The following CNTN1 variants were observed in gnomAD, a reference collection of about 807,000 sequenced individuals.
CNTN1 encodes the protein contactin 1.
CNTN1 carries 38 observed loss-of-function variants against 126.4 expected under a neutral mutation model. That is an observed-to-expected ratio of 0.30 (90% confidence interval 0.23 to 0.39). The LOEUF (loss-of-function observed/expected upper bound fraction) is 0.39. Ranked by LOEUF, CNTN1 falls within the 10% of genes least tolerant of loss-of-function variation. The pLI is 1.00. For synonymous variants in CNTN1, 413 were observed against 422.6 expected (o/e 0.98, Z 0.28); for missense variants, 1,009 against 1,248.4 (o/e 0.81, Z 2.89).
intron 1 of CNTN1, among the ~76,000 whole-genome samples, chr12:40,799,604 T>A (rs1345667526): frequency 6.6e-6 from 1 of 151,996 alleles, no homozygotes; most frequent in African/African-American, 2.4e-5. Context: ...CTTCAGAAAA[T>A]CTGGCTAAAT....
At chr12:40,767,856 C>T (rs975439740) in intron 1 of CNTN1, among the ~76,000 whole-genome samples, 1 of 152,034 alleles carries the variant, frequency 6.6e-6, no homozygotes, top group Admixed American at 6.5e-5. Context: ...TTTCCTTAAA[C>T]AATTGACTTT....
chr12:40,879,338 G>A (rs1362002736), intron 1 of CNTN1, among the ~76,000 whole-genome samples: 1 of 152,010 alleles, frequency 6.6e-6, no homozygotes, highest in African/African-American at 2.4e-5. Context: ...GTTAAGTAAA[G>A]GCCATTTCTC....
At chr12:40,799,982 A>T (rs753429957) in intron 1 of CNTN1, among the ~76,000 whole-genome samples, 15 of 152,040 alleles carry the variant, frequency 9.9e-5, no homozygotes, top group African/African-American at 1.9e-4. Flanking sequence ...ATGAAAGTTC[A>T]TGCTTTTAAC....
intron 17 of CNTN1, among the ~76,000 whole-genome samples, chr12:41,000,388 A>G (rs1300074640): frequency 1.3e-5 from 2 of 152,186 alleles, no homozygotes; most frequent in Non-Finnish European, 2.9e-5. Flanking sequence ...GTTTTCCTAT[A>G]GCATGAAAAG....
chr12:40,755,040 A>T (rs542648095), intron 1 of CNTN1, among the ~76,000 whole-genome samples: 1 of 151,868 alleles, frequency 6.6e-6, no homozygotes, highest in South Asian at 2.1e-4. Flanking sequence ...AACATAAAAA[A>T]GTTAGCTGGG....
chr12:41,041,695 A>G (rs1454890117), intron 23 of CNTN1, among the ~76,000 whole-genome samples: 2 of 152,004 alleles, frequency 1.3e-5, no homozygotes, highest in African/African-American at 4.8e-5. Flanking sequence ...TTTCTAGTTT[A>G]TTTGCGTAGA....
chr12:40,794,646 T>G (rs1458943734), intron 1 of CNTN1, among the ~76,000 whole-genome samples: 1 of 152,060 alleles, frequency 6.6e-6, no homozygotes, highest in Non-Finnish European at 1.5e-5. Flanking sequence ...GTTAATGCAT[T>G]ACACTTTTAA....
intron 1 of CNTN1, among the ~76,000 whole-genome samples, chr12:40,816,952 T>C (rs1276667096): frequency 6.6e-6 from 1 of 152,184 alleles, no homozygotes; most frequent in Non-Finnish European, 1.5e-5. Flanking sequence ...TGAAATTGTG[T>C]AGTTTTGTGT....
intron 1 of CNTN1, among the ~76,000 whole-genome samples, chr12:40,888,408 A>G (rs1380056503): frequency 1.3e-5 from 2 of 152,202 alleles, no homozygotes; most frequent in East Asian, 1.9e-4. Context: ...TATGTCGAAA[A>G]TAAAAAGACT....
intron 1 of CNTN1, among the ~76,000 whole-genome samples, chr12:40,735,208 A>G (rs566055934): frequency 1.3e-5 from 2 of 152,224 alleles, no homozygotes; most frequent in South Asian, 4.1e-4. Flanking sequence ...CATATATTCA[A>G]TAATTAAAGC....
chr12:40,817,220 T>C (rs905947851), intron 1 of CNTN1, among the ~76,000 whole-genome samples: 1 of 152,160 alleles, frequency 6.6e-6, no homozygotes, highest in African/African-American at 2.4e-5. Context: ...TTCTCTCTCA[T>C]TGATCTGCCT....
At chr12:40,934,269 A>AT (rs1361061123) in intron 9 of CNTN1, among the ~76,000 whole-genome samples, 1 of 151,986 alleles carries the variant, frequency 6.6e-6, no homozygotes, top group African/African-American at 2.4e-5. Context: ...TCAAAATCAC[A>AT]TGGAGGGCTT....
chr12:40,728,899 C>G (rs1476695729), intron 1 of CNTN1: 1 of 152,178 alleles, frequency 6.6e-6, no homozygotes, highest in Admixed American at 6.6e-5. Context: ...GCTTGTAATT[C>G]TGCTCACAGA....
At chr12:41,045,365 AT>A (rs1218827741) in intron 23 of CNTN1, among the ~76,000 whole-genome samples, 1 of 152,110 alleles carries the variant, frequency 6.6e-6, no homozygotes, top group Non-Finnish European at 1.5e-5. Context: ...TATAAAAACA[AT>A]TGTCTGTTCT....
At chr12:40,958,885 A>C (rs1946997066) in intron 14 of CNTN1, among the ~76,000 whole-genome samples, 1 of 152,100 alleles carries the variant, frequency 6.6e-6, no homozygotes, top group Non-Finnish European at 1.5e-5. Context: ...TGGAAATAAT[A>C]GAATGTTAAA....
At chr12:40,729,496 T>G (rs1942440936) in intron 1 of CNTN1, 1 of 204,974 alleles carries the variant, frequency 4.9e-6, no homozygotes, top group African/African-American at 2.3e-5. Flanking sequence ...CACGGAAATT[T>G]GTTCAGACCA....
At chr12:41,063,119 A>G (rs1046927414) in intron 23 of CNTN1, among the ~76,000 whole-genome samples, 1 of 152,246 alleles carries the variant, frequency 6.6e-6, no homozygotes, top group Non-Finnish European at 1.5e-5. Context: ...CGAACGCTGC[A>G]CCTACCTTGA....
chr12:41,041,276 T>C (rs1453861040), intron 23 of CNTN1, among the ~76,000 whole-genome samples: 1 of 152,202 alleles, frequency 6.6e-6, no homozygotes, highest in Non-Finnish European at 1.5e-5. Flanking sequence ...CACTTGATCA[T>C]GGTGGATAAG....
chr12:41,033,619 G>A (rs983515224), intron 23 of CNTN1, among the ~76,000 whole-genome samples: 1 of 152,108 alleles, frequency 6.6e-6, no homozygotes, highest in Non-Finnish European at 1.5e-5. Context: ...TTTTAAGGTA[G>A]GAGTAACATG....
Sources: allele counts gnomAD v4.1 joint callset (sites outside exome capture counted in the v4.1 genomes callset), GRCh38; gene constraint gnomAD v4.1.1; transcripts MANE v1.5; gene names NCBI Gene and HGNC (gene_info 2026-07-23, HGNC 2026-07-21).